ATP11B: variants seen among roughly 807,000 people sequenced by gnomAD.
ATP11B encodes ATPase phospholipid transporting 11B (putative).
In ATP11B, 81 loss-of-function variants were observed where a neutral mutation model predicts 157.8. The observed-to-expected ratio is 0.51, with a 90% CI of 0.43 to 0.62. ATP11B has a LOEUF of 0.62. ATP11B is among the 20% of genes least tolerant of loss of function. The pLI, the probability that ATP11B is intolerant of heterozygous loss-of-function variation, is 0.00. For synonymous variants in ATP11B, 451 were observed against 469.4 expected, an observed-to-expected ratio of 0.96 and a Z score of 0.51; for missense variants, 1,165 against 1,402.2, an observed-to-expected ratio of 0.83 and a Z score of 2.70.
chr3:182,836,148 C>T lies in ATP11B; in HGVS notation c.423+6C>T, dbSNP rs140974440. On this transcript the variant is annotated splice_donor_region_variant and intron_variant, in intron 5 of 29. Coordinates refer to ENST00000323116, the MANE Select transcript of ATP11B (RefSeq NM_014616.3). ...CTAGATCAAAAAACATTCGGGTATG[C>T]ATCTGGTAAATAATGGAAATCAACT... The T allele has an allele frequency of 3.5e-5, 56 of 1,607,310 alleles. No individual in the cohort carries two copies. The African/African-American group carries it at 6.3e-4, about 18-fold the overall frequency.
intron 1 of ATP11B, among the ~76,000 whole-genome samples, chr3:182,819,088 T>TG (rs1717153439): frequency 6.7e-6 from 1 of 148,842 alleles, no homozygotes; most frequent in African/African-American, 2.5e-5. Flanking sequence ...TCTTTTTTTT[T>TG]TTTTTTGAGA....
intron 19 of ATP11B, 104 bp downstream of exon 19, chr3:182,874,119 A>G (rs1283982389): frequency 2.1e-6 from 2 of 952,684 alleles, no homozygotes; most frequent in African/African-American, 1.7e-5. Flanking sequence ...TTTACAGCCT[A>G]TCAGCTAAAA....
intron 14 of ATP11B, among the ~76,000 whole-genome samples, 159 bp from the exon 15 acceptor site, chr3:182,867,217 C>A (rs550436467): frequency 0.013 from 2,000 of 152,192 alleles, 44 homozygotes; most frequent in African/African-American, 0.047. Context: ...GCATGAGCCA[C>A]CACTCCTGGC....
intron 18 of ATP11B, 26 bp downstream of exon 18, chr3:182,872,563 T>G: frequency 1.3e-6 from 2 of 1,540,356 alleles, no homozygotes; most frequent in Non-Finnish European, 1.7e-6. Flanking sequence ...TTAAAAAATA[T>G]TACTTTTCTC....
intron 10 of ATP11B, among the ~76,000 whole-genome samples, chr3:182,854,020 A>G (rs1720182692): frequency 6.6e-6 from 1 of 152,240 alleles, no homozygotes; most frequent in Non-Finnish European, 1.5e-5. Flanking sequence ...ACCAAGTAAC[A>G]AGTCAATTCA....
At chr3:182,902,644 A>G (rs532507989) in intron 28 of ATP11B, 330 of 892,936 alleles carry the variant, frequency 3.7e-4, no homozygotes, top group Non-Finnish European at 4.4e-4. Flanking sequence ...AGATGGGCAG[A>G]GGCATAAATA....
intron 14 of ATP11B, 147 bp from the exon 15 acceptor site, chr3:182,867,229 C>G (rs953333262): frequency 6.6e-6 from 4 of 605,490 alleles, no homozygotes; most frequent in Admixed American, 3.1e-5. Context: ...ACTCCTGGCA[C>G]CAAAGTTGTA....
chr3:182,833,084 AT>A (rs1344715545), intron 4 of ATP11B, among the ~76,000 whole-genome samples: 1 of 152,174 alleles, frequency 6.6e-6, no homozygotes, highest in African/African-American at 2.4e-5. Flanking sequence ...ACTTCATACC[AT>A]ATAGGAAAAT....
chr3:182,829,953 C>G (rs1356191838), intron 4 of ATP11B: 2 of 984,950 alleles, frequency 2.0e-6, no homozygotes, highest in African/African-American at 3.5e-5. Flanking sequence ...TGATTAACAT[C>G]GTTAAAATAT....
chr3:182,904,066 T>C (rs1441520754), intron 28 of ATP11B, among the ~76,000 whole-genome samples: 1 of 152,186 alleles, frequency 6.6e-6, no homozygotes, highest in African/African-American at 2.4e-5. Context: ...AGGATATTGG[T>C]GAGATGTTCT....
chr3:182,824,523 G>A (rs1717589668), intron 2 of ATP11B, among the ~76,000 whole-genome samples: 1 of 152,152 alleles, frequency 6.6e-6, no homozygotes, highest in Non-Finnish European at 1.5e-5. Context: ...TTTTTAAAAT[G>A]TAATCTTTAT....
intron 1 of ATP11B, among the ~76,000 whole-genome samples, chr3:182,794,560 T>C (rs977808542): frequency 6.6e-6 from 1 of 152,180 alleles, no homozygotes; most frequent in African/African-American, 2.4e-5. Flanking sequence ...TTGGAAGGAA[T>C]AGTTAACTCT....
Position 182,872,420 on chromosome 3 carries a change from A to G in ATP11B, c.1931A>G (p.Asp644Gly). The G allele has an allele frequency of 6.2e-7, 1 of 1,614,106 alleles. No homozygotes were observed. The highest frequency in any genetic ancestry group is 8.5e-7 in the Non-Finnish European group (1 of 1,179,928). ...KFTSKEYEEI[D>G]KRIFEARTAL... Reference sequence around the variant, plus strand: ...ACATCAAAAGAGTATGAGGAAATAGATAAACGCATATTTGAAGCCAGGACT... The same window carrying G: ...ACATCAAAAGAGTATGAGGAAATAGGTAAACGCATATTTGAAGCCAGGACT... Residue 644 changes from aspartate to glycine, a missense_variant, in exon 18 of 30, where the codon GAT becomes GGT. This residue lies in a region of ATP11B where 737 missense variants were observed against 930.5 expected (regional missense o/e 0.79). Coordinates refer to ENST00000323116, the MANE Select transcript of ATP11B (RefSeq NM_014616.3).
chr3:182,821,206 T>C (rs116744193), intron 2 of ATP11B, among the ~76,000 whole-genome samples: 153 of 151,944 alleles, frequency 1.0e-3, no homozygotes, highest in African/African-American at 3.5e-3. Flanking sequence ...GCCTCTCGGG[T>C]TCAAGCCATT....
intron 7 of ATP11B, among the ~76,000 whole-genome samples, 169 bp from the exon 8 acceptor site, chr3:182,841,906 G>A (rs139643244): frequency 0.02 from 2,749 of 139,078 alleles, 87 homozygotes; most frequent in African/African-American, 0.069. Flanking sequence ...ATGAACCCAG[G>A]AAGCAGAGCT....
intron 12 of ATP11B, 29 bp downstream of exon 12, chr3:182,859,388 C>G (rs753073658): frequency 6.6e-7 from 1 of 1,510,748 alleles, no homozygotes; most frequent in South Asian, 1.3e-5. Flanking sequence ...TTTTGTTTCT[C>G]TAATTTGTTA....
At chr3:182,827,604 C>A in intron 2 of ATP11B, among the ~76,000 whole-genome samples, 1 of 151,660 alleles carries the variant, frequency 6.6e-6, no homozygotes, top group East Asian at 1.9e-4. Flanking sequence ...TGGTGGTTAT[C>A]GCGGCGATCA....
In ATP11B at chr3:182,829,767, C is replaced by CT; in HGVS notation, c.315+22dup. 6.4e-7 allele frequency: 1 copy of CT among 1,563,404 alleles called. No individual in the cohort carries two copies. Reference sequence around the variant, plus strand: ...CCATAAAGCAGGTATGAAATACTTTCTTTTTTTAATTTTCCTCTAAGTCAT... The same window carrying CT: ...CCATAAAGCAGGTATGAAATACTTTCTTTTTTTTAATTTTCCTCTAAGTCAT... On this transcript the variant is annotated intron_variant, in intron 4 of 29. Transcript: ENST00000323116.
chr3:182,887,112 C>A (rs539863542), intron 23 of ATP11B, among the ~76,000 whole-genome samples: 4 of 152,228 alleles, frequency 2.6e-5, no homozygotes, highest in South Asian at 4.2e-4. Context: ...AGCAAGATAT[C>A]GTTAAGGACT....
Sources: allele counts gnomAD v4.1 joint callset (sites outside exome capture counted in the v4.1 genomes callset), GRCh38; gene constraint gnomAD v4.1.1; regional missense constraint gnomAD v4.1.1; transcripts MANE v1.5; gene names NCBI Gene and HGNC (gene_info 2026-07-23, HGNC 2026-07-21).